PITPNC1: variants seen among roughly 807,000 people sequenced by gnomAD.
The protein encoded by PITPNC1 is cytoplasmic phosphatidylinositol transfer protein 1.
In PITPNC1, 18 loss-of-function variants were observed where a neutral mutation model predicts 44.7. That is an observed-to-expected ratio of 0.40 (90% confidence interval 0.28 to 0.60). PITPNC1 has a LOEUF of 0.60. Among genes scored for constraint, PITPNC1 ranks in the 20% least tolerant of loss-of-function variants. The pLI is 0.39. For synonymous variants in PITPNC1, 141 were observed against 149.6 expected (o/e 0.94, Z 0.42); for missense variants, 290 against 418.4 (o/e 0.69, Z 2.68).
chr17:67,668,511 T>G (rs2042458301), intron 6 of PITPNC1, among the ~76,000 whole-genome samples: 1 of 151,554 alleles, frequency 6.6e-6, no homozygotes, highest in African/African-American at 2.4e-5. Context: ...TCACTTGAGG[T>G]GAGAAGTTGG....
chr17:67,578,496 C>G lies in PITPNC1; in HGVS notation c.366+239C>G, dbSNP rs1346345449. Among the ~76,000 whole-genome samples the G allele has an allele frequency of 4.6e-5, 7 of 152,212 alleles. No homozygotes were observed. In the East Asian group the frequency reaches 1.3e-3, roughly 29 times the overall value. ...TTTCCCTGGGCCTCTGAGCAGAAGC[C>G]TCTGACCTGGGGTGATTGTCATGGA... is the stretch of plus-strand genomic sequence containing the variant. On this transcript the variant is annotated intron_variant, in intron 5 of 8. Transcript: ENST00000581322.
chr17:67,492,293 T>A (rs1314023110), intron 1 of PITPNC1, among the ~76,000 whole-genome samples: 1 of 152,148 alleles, frequency 6.6e-6, no homozygotes, highest in Non-Finnish European at 1.5e-5. Flanking sequence ...CATTCTGGAT[T>A]ACCTAAGTGG....
chr17:67,477,243 T>C (rs2039643249), intron 1 of PITPNC1, among the ~76,000 whole-genome samples: 2 of 40,838 alleles, frequency 4.9e-5, no homozygotes, highest in African/African-American at 2.8e-4. Flanking sequence ...ACCCAGCTCT[T>C]TTTTTTTTTT....
chr17:67,493,994 G>A (rs796870525), intron 1 of PITPNC1, among the ~76,000 whole-genome samples: 12 of 152,188 alleles, frequency 7.9e-5, no homozygotes, highest in African/African-American at 2.9e-4. Flanking sequence ...CCTGCCATGT[G>A]CCAGTCCCCA....
At chr17:67,449,342 TACAC>T (rs1240048412) in intron 1 of PITPNC1, among the ~76,000 whole-genome samples, 1 of 152,228 alleles carries the variant, frequency 6.6e-6, no homozygotes, top group Non-Finnish European at 1.5e-5. Flanking sequence ...GTGGTGCCGA[TACAC>T]ACATCTTTTG....
chr17:67,649,926 C>T (rs1413419636), intron 6 of PITPNC1, among the ~76,000 whole-genome samples: 1 of 152,014 alleles, frequency 6.6e-6, no homozygotes, highest in East Asian at 1.9e-4. Context: ...TTGGGGCTTC[C>T]GTGCCCCCTC....
chr17:67,392,308 A>C (rs1390274383), intron 1 of PITPNC1, among the ~76,000 whole-genome samples: 2 of 152,212 alleles, frequency 1.3e-5, no homozygotes, highest in African/African-American at 4.8e-5. Context: ...TGCGCCTTGG[A>C]AACCCCCAGC....
Position 67,453,074 on chromosome 17 carries a change from C to T in PITPNC1, c.48+74872C>T, listed in dbSNP as rs1374531415. Among the ~76,000 whole-genome samples the T allele has an allele frequency of 2.0e-5, 3 of 152,266 alleles. No homozygotes were observed. In the East Asian group the frequency reaches 5.8e-4, roughly 29 times the overall value. On this transcript the variant is annotated intron_variant, in intron 1 of 8. Coordinates refer to ENST00000581322, the MANE Select transcript of PITPNC1 (RefSeq NM_012417.4). The stretch of plus-strand genomic sequence containing the variant: ...TTATATATATAAAGCTTCTGCTCAC[C>T]TGTGAGCTACTCTGTCTAGCTGATT...
chr17:67,504,995 C>T (rs2040082883), intron 1 of PITPNC1, among the ~76,000 whole-genome samples: 1 of 152,118 alleles, frequency 6.6e-6, no homozygotes, highest in Non-Finnish European at 1.5e-5. Flanking sequence ...CCTCTTAAAC[C>T]CATTGGTTAT....
Position 67,561,797 on chromosome 17 carries a change from T to C in PITPNC1, c.294+8180T>C, listed in dbSNP as rs1013791319. ...ATAAATTAGAGGCAGGTTTTCGCTA[T>C]GTTGCCCAGGCTAATTTTGACCTCC... On this transcript the variant is annotated intron_variant, in intron 4 of 8. Transcript: ENST00000581322. Among the ~76,000 whole-genome samples, 19 of 152,346 alleles carry C rather than the reference T, an allele frequency of 1.2e-4. 1 individual carries two copies. Among genetic ancestry groups the C allele is most frequent in the Middle Eastern group, 3.4e-3 (1 of 294 alleles).
chr17:67,633,175 G>T (rs1471489636), intron 6 of PITPNC1, among the ~76,000 whole-genome samples: 1 of 152,072 alleles, frequency 6.6e-6, no homozygotes, highest in Non-Finnish European at 1.5e-5. Flanking sequence ...GCAGATGCAG[G>T]GCTATTTTTG....
intron 8 of PITPNC1, among the ~76,000 whole-genome samples, chr17:67,679,377 C>G (rs2042661964): frequency 6.6e-6 from 1 of 152,110 alleles, no homozygotes; most frequent in Non-Finnish European, 1.5e-5. Context: ...AAAAAGGTGC[C>G]CCTTCTGGGC....
chr17:67,530,983 C>T (rs1277848303), intron 1 of PITPNC1, among the ~76,000 whole-genome samples: 6 of 152,218 alleles, frequency 3.9e-5, no homozygotes, highest in African/African-American at 1.4e-4. Flanking sequence ...TGGCTCATGC[C>T]TGTAATCCCA....
chr17:67,380,783 T>G (rs2037946483), intron 1 of PITPNC1, among the ~76,000 whole-genome samples: 1 of 152,164 alleles, frequency 6.6e-6, no homozygotes, highest in African/African-American at 2.4e-5. Flanking sequence ...ACTTTTTTTT[T>G]TTCTTTTTGA....
At chr17:67,447,910 C>T (rs977729492) in intron 1 of PITPNC1, among the ~76,000 whole-genome samples, 1 of 151,584 alleles carries the variant, frequency 6.6e-6, no homozygotes, top group African/African-American at 2.4e-5. Flanking sequence ...TTCTTTCTTT[C>T]TCTCTCTGTC....
intron 1 of PITPNC1, among the ~76,000 whole-genome samples, chr17:67,394,207 CAGAA>C (rs2038181028): frequency 2.0e-5 from 3 of 152,050 alleles, no homozygotes; most frequent in Admixed American, 2.0e-4. Flanking sequence ...CCCAGTATCA[CAGAA>C]GAGATGAGGG....
At chr17:67,502,603 G>T (rs2916152) in intron 1 of PITPNC1, among the ~76,000 whole-genome samples, 2 of 152,120 alleles carry the variant, frequency 1.3e-5, no homozygotes, top group East Asian at 1.9e-4. Context: ...GGGGTAGAAG[G>T]GTTTGTCATT....
intron 2 of PITPNC1, among the ~76,000 whole-genome samples, chr17:67,541,878 A>C (rs1008365792): frequency 1.3e-5 from 2 of 152,230 alleles, no homozygotes; most frequent in African/African-American, 4.8e-5. Flanking sequence ...ACTTCGGCTC[A>C]GGTTAAGGAA....
intron 4 of PITPNC1, among the ~76,000 whole-genome samples, chr17:67,558,887 A>G (rs1051337341): frequency 2.6e-5 from 4 of 152,204 alleles, no homozygotes; most frequent in Non-Finnish European, 5.9e-5. Flanking sequence ...GAGAGAGATT[A>G]CTCAGGGCTG....
Sources: gnomAD v4.1 joint callset for allele counts (sites outside exome capture counted in the v4.1 genomes callset) on GRCh38, gnomAD v4.1.1 for gene constraint, MANE v1.5 for transcripts, NCBI Gene and HGNC (gene_info 2026-07-23, HGNC 2026-07-21) for gene names.